BBOF1: variants seen among roughly 807,000 people sequenced by gnomAD.
BBOF1 encodes the protein basal body orientation factor 1.
In BBOF1, 62 loss-of-function variants were observed where a neutral mutation model predicts 68.0. The ratio of observed to expected loss-of-function variants is 0.91; its 90% CI spans 0.74 to 1.13. The LOEUF is 1.13. Ranked by LOEUF, BBOF1 falls within the 50% of genes most tolerant of loss-of-function variation. BBOF1 has a pLI of 0.00. For synonymous variants in BBOF1, 208 were observed against 198.8 expected (o/e 1.05, Z -0.39); for missense variants, 534 against 600.1 (o/e 0.89, Z 1.15).
In BBOF1 at chr14:74,071,831, G is replaced by A. The variant is rs955985879; in HGVS notation, n.1380-6365G>A. 7.1e-6 allele frequency: 11 copies of A among 1,559,604 alleles called. No homozygotes were observed. The Admixed American group carries it at 8.3e-5, about 12-fold the overall frequency. On this transcript the variant is annotated intron_variant and non_coding_transcript_variant, in intron 9 of 12. Transcript: ENST00000492026. ...AAAGGAAGAAGCAACCTCCCATTCT[G>A]CGATCTTTGCCTCCCATCTTCCTTT...
rs781146217 is a variant in BBOF1 at position 74,057,104 on chromosome 14, TAG to T, written c.1464-37_1464-36del. Reference sequence around the variant, plus strand: ...TATTCTAAACCAGGTTTCATGTGTGTAGAGTTGTTGACGGTTCTGTTATTTTG... The same window carrying T: ...TATTCTAAACCAGGTTTCATGTGTGTAGTTGTTGACGGTTCTGTTATTTTG... On this transcript the variant is annotated intron_variant, in intron 10 of 11. Transcript: ENST00000394009. 5 of 1,605,224 alleles carry T rather than the reference TAG, an allele frequency of 3.1e-6. No individual in the cohort carries two copies. In the East Asian group the frequency reaches 1.1e-4, roughly 36 times the overall value.
intron 9 of BBOF1, among the ~76,000 whole-genome samples, chr14:74,074,712 C>T (rs2060593484): frequency 6.6e-6 from 1 of 152,052 alleles, no homozygotes; most frequent in Admixed American, 6.6e-5. Flanking sequence ...CTGTAAAAAC[C>T]ACTCTAAAGG....
rs112131972 is a variant in BBOF1 at position 74,049,120 on chromosome 14, C to A, written c.793-582C>A. Among the ~76,000 whole-genome samples the A allele has an allele frequency of 4.5e-3, 687 of 152,160 alleles. 4 individuals are homozygous for A. Among genetic ancestry groups the A allele is most frequent in the African/African-American group, 0.015 (640 of 41,512 alleles). On this transcript the variant is annotated intron_variant, in intron 7 of 11. Transcript: ENST00000394009. ...AACTCCTGACCTCAGGTGATCCACC[C>A]ACCTTGGCCTCCCAAAGCTCCAGGA...
chr14:74,028,467 TACAC>T (rs34677110), intron 2 of BBOF1, among the ~76,000 whole-genome samples: 31,710 of 138,038 alleles, frequency 0.23, 4,076 homozygotes, highest in Non-Finnish European at 0.3. Flanking sequence ...ACTAAAGAAA[TACAC>T]ACACACACAC....
intron 11 of BBOF1, chr14:74,060,606 T>G: frequency 7.2e-7 from 1 of 1,389,162 alleles, no homozygotes; most frequent in South Asian, 1.2e-5. Context: ...AAAGGGAGAT[T>G]ACTCAGGATG....
At chr14:74,062,159 T>C (rs999209930) in intron 11 of BBOF1, among the ~76,000 whole-genome samples, 4 of 151,006 alleles carry the variant, frequency 2.6e-5, no homozygotes, top group Non-Finnish European at 5.9e-5. Context: ...AATGCACCAT[T>C]GCACTCCAGC....
At chr14:74,053,352 C>T (rs1235765229) in intron 8 of BBOF1, among the ~76,000 whole-genome samples, 1 of 151,612 alleles carries the variant, frequency 6.6e-6, no homozygotes, top group Non-Finnish European at 1.5e-5. Context: ...ACCTTGTGAT[C>T]TGCCTGCCTC....
intron 2 of BBOF1, among the ~76,000 whole-genome samples, chr14:74,025,382 A>G (rs1269180122): frequency 6.6e-6 from 1 of 152,226 alleles, no homozygotes; most frequent in Non-Finnish European, 1.5e-5. Flanking sequence ...AAAGTAGACT[A>G]AATATATCCT....
Position 74,073,675 on chromosome 14 carries a change from G to C in BBOF1, n.1380-4521G>C, listed in dbSNP as rs1333156917. ...CTCACGCCTGTAATCCCAGCACTTTGGGAGGCCGAGGCAGGTGGATCAGTT... is the reference window on the plus strand; with the variant it reads ...CTCACGCCTGTAATCCCAGCACTTTCGGAGGCCGAGGCAGGTGGATCAGTT... On this transcript the variant is annotated intron_variant and non_coding_transcript_variant, in intron 9 of 12. Coordinates refer to the BBOF1 transcript ENST00000492026. Among the ~76,000 whole-genome samples, 3 of 152,028 alleles carry C rather than the reference G, an allele frequency of 2.0e-5. No individual in the cohort carries two copies. In the East Asian group the frequency reaches 5.9e-4, roughly 30 times the overall value.
chr14:74,041,002 C>G (rs906474270), intron 5 of BBOF1, among the ~76,000 whole-genome samples: 1 of 152,054 alleles, frequency 6.6e-6, no homozygotes, highest in Non-Finnish European at 1.5e-5. Flanking sequence ...CTTAGTCAAG[C>G]CGAGCTAAAG....
At chr14:74,069,850 C>CTTT (rs779619553), downstream of BBOF1, among the ~76,000 whole-genome samples, 2,029 of 122,498 alleles carry the variant, frequency 0.017, 142 homozygotes, top group African/African-American at 0.058. Context: ...CTAATCTAAC[C>CTTT]TTTTTTTTTT....
chr14:74,055,293 C>T (rs2060168804), intron 8 of BBOF1: 2 of 288,392 alleles, frequency 6.9e-6, no homozygotes, highest in Admixed American at 4.9e-5. Flanking sequence ...GGATTACAGA[C>T]AGCTGCCACC....
chr14:74,057,539 C>G, intron 11 of BBOF1: 8 of 1,338,932 alleles, frequency 6.0e-6, no homozygotes, highest in Non-Finnish European at 7.7e-6. Flanking sequence ...CTATCTTTTA[C>G]GTAAGAGTAA....
intron 8 of BBOF1, among the ~76,000 whole-genome samples, chr14:74,053,793 C>T (rs1286470668): frequency 5.3e-5 from 8 of 151,724 alleles, no homozygotes. Flanking sequence ...CTCACTGCAA[C>T]CTCCACCTCC....
At chr14:74,054,667 G>A (rs938882003) in intron 8 of BBOF1, among the ~76,000 whole-genome samples, 17 of 143,056 alleles carry the variant, frequency 1.2e-4, no homozygotes, top group African/African-American at 3.6e-4. Flanking sequence ...GTGAGCCACC[G>A]CACCCAGGCT....
intron 9 of BBOF1, among the ~76,000 whole-genome samples, chr14:74,073,700 T>G (rs2060578923): frequency 6.6e-6 from 1 of 152,006 alleles, no homozygotes; most frequent in Non-Finnish European, 1.5e-5. Flanking sequence ...GTGGATCAGT[T>G]GAAGTCAGGA....
intron 9 of BBOF1, chr14:74,071,730 TCAGTCTTA>T: frequency 6.9e-7 from 1 of 1,455,590 alleles, no homozygotes; most frequent in Non-Finnish European, 9.4e-7. Context: ...GTAAAGTAAA[TCAGTCTTA>T]GGGATACTGA....
intron 5 of BBOF1, 111 bp from the exon 6 acceptor site, chr14:74,045,948 CA>C: frequency 2.3e-6 from 2 of 860,640 alleles, no homozygotes; most frequent in Non-Finnish European, 1.8e-6. Context: ...GGAGTTCTTT[CA>C]GGTCATGGGG....
chr14:74,045,217 T>G (rs1014455109), intron 5 of BBOF1, among the ~76,000 whole-genome samples: 2 of 152,236 alleles, frequency 1.3e-5, no homozygotes, highest in African/African-American at 2.4e-5. Context: ...GAATATAAGC[T>G]TCATGAGATC....
Sources: gnomAD v4.1 joint callset for allele counts (sites outside exome capture counted in the v4.1 genomes callset) on GRCh38, gnomAD v4.1.1 for gene constraint, MANE v1.5 for transcripts, NCBI Gene and HGNC (gene_info 2026-07-23, HGNC 2026-07-21) for gene names.